The following KDM2A variants were observed in gnomAD, a reference collection of about 807,000 sequenced individuals.
KDM2A encodes lysine-specific demethylase 2A.
Under a neutral mutation model 137.3 loss-of-function variants are expected in KDM2A, and 3 were observed. The observed-to-expected ratio is 0.02, with a 90% confidence interval of 0.01 to 0.06. The LOEUF (loss-of-function observed/expected upper bound fraction) is 0.06. Ranked by LOEUF, KDM2A falls within the 10% of genes least tolerant of loss-of-function variation. KDM2A has a pLI of 1.00. For missense variants in KDM2A, 738 were observed against 1,510.6 expected (o/e 0.49, Z 8.48); for synonymous variants, 512 against 541.5 (o/e 0.95, Z 0.76).
intron 2 of KDM2A, among the ~76,000 whole-genome samples, chr11:67,129,102 G>A (rs1230458626): frequency 6.6e-6 from 1 of 152,144 alleles, no homozygotes; most frequent in Non-Finnish European, 1.5e-5. Context: ...GAATAAATTA[G>A]AATGGAGGAC....
chr11:67,184,582 G>A (rs930046274), intron 5 of KDM2A, among the ~76,000 whole-genome samples: 6 of 151,670 alleles, frequency 4.0e-5, no homozygotes, highest in African/African-American at 1.5e-4. Flanking sequence ...AGCGAAGCTT[G>A]TGCCACTGCA....
At chr11:67,183,391 C>T (rs755241965) in intron 5 of KDM2A, among the ~76,000 whole-genome samples, 11 of 152,210 alleles carry the variant, frequency 7.2e-5, no homozygotes, top group African/African-American at 1.2e-4. Context: ...CCACAGATGA[C>T]CTGCATCAGA....
At chr11:67,161,316 C>T (rs1008346812) in intron 2 of KDM2A, among the ~76,000 whole-genome samples, 9 of 152,212 alleles carry the variant, frequency 5.9e-5, no homozygotes, top group Admixed American at 2.0e-4. Flanking sequence ...ATTGTATCCA[C>T]GTGAAACCTT....
At chr11:67,135,378 A>G (rs1281096207) in intron 2 of KDM2A, among the ~76,000 whole-genome samples, 1 of 152,114 alleles carries the variant, frequency 6.6e-6, no homozygotes, top group Non-Finnish European at 1.5e-5. Context: ...TTTCCTTTTG[A>G]TACTCTCTTT....
rs775548814 is a variant in KDM2A, at chr11:67,253,597, C to G, written c.3077C>G (p.Pro1026Arg). ...CAAATTCGGGACTTGCTTACTCCAC[C>G]GGCTGATAAACCAGGTATGCTCTGG... ...DPQIRDLLTP[P>R]ADKPGQDNRS... is the part of the protein sequence containing the mutation. The change falls in exon 19 of 21, where the codon CCG (proline) becomes CGG (arginine). Residue 1026 changes from proline to arginine, a missense_variant. Transcript: ENST00000529006. The G allele has an allele frequency of 6.2e-7, 1 of 1,613,904 alleles. No individual in the cohort carries two copies. The highest frequency in any genetic ancestry group is 8.5e-7 in the Non-Finnish European group (1 of 1,179,836).
chr11:67,122,888 G>T (rs1443164896), intron 2 of KDM2A, among the ~76,000 whole-genome samples: 1 of 151,192 alleles, frequency 6.6e-6, no homozygotes, highest in Non-Finnish European at 1.5e-5. Flanking sequence ...TGTTAGCCAG[G>T]ATGGTCTCGA....
chr11:67,239,521 G>A (rs1205862280), intron 12 of KDM2A, among the ~76,000 whole-genome samples: 1 of 152,168 alleles, frequency 6.6e-6, no homozygotes, highest in Non-Finnish European at 1.5e-5. Flanking sequence ...AAGTCAGCGA[G>A]GGCAGGTGAA....
Position 67,255,520 on chromosome 11 carries a change from C to G in KDM2A, c.*465C>G. 1 of 457,156 alleles carries G rather than the reference C, an allele frequency of 2.2e-6. No individual in the cohort carries two copies. Among genetic ancestry groups the G allele is most frequent in the Non-Finnish European group, 4.4e-6 (1 of 227,252 alleles). 28.3% of individuals were successfully genotyped at this position (457,156 alleles called of 1,614,324 possible). On this transcript the variant is annotated 3_prime_UTR_variant, in exon 21 of 21. Transcript: ENST00000529006. The stretch of plus-strand genomic sequence containing the variant: ...CAGTGCGCGTCTCTCCTCCATCACA[C>G]TCTCCCGGCTTGCGCAGGAGGGGCC...
chr11:67,209,445 T>C (rs1469508650), intron 6 of KDM2A, among the ~76,000 whole-genome samples: 1 of 150,632 alleles, frequency 6.6e-6, no homozygotes, highest in Non-Finnish European at 1.5e-5. Flanking sequence ...ATTATTATTA[T>C]TATTATTATT....
At chr11:67,147,507 ACT>A (rs1326559051) in intron 2 of KDM2A, among the ~76,000 whole-genome samples, 2 of 150,210 alleles carry the variant, frequency 1.3e-5, no homozygotes, top group African/African-American at 4.9e-5. Context: ...GCGCCACTGC[ACT>A]CCAGCCTGGG....
chr11:67,210,313 A>G (rs1295719618), intron 6 of KDM2A, among the ~76,000 whole-genome samples: 2 of 152,134 alleles, frequency 1.3e-5, no homozygotes, highest in Non-Finnish European at 2.9e-5. Flanking sequence ...TCTGGGCAAC[A>G]TAATAAGACC....
At chr11:67,211,011 G>A (rs1857960903) in intron 6 of KDM2A, among the ~76,000 whole-genome samples, 6 of 151,948 alleles carry the variant, frequency 3.9e-5, no homozygotes, top group Admixed American at 3.9e-4. Context: ...GAGCTGAGAT[G>A]GTGCCACTAC....
chr11:67,255,590 G>A lies in KDM2A; in HGVS notation c.*535G>A, dbSNP rs1312879910. On this transcript the variant is annotated 3_prime_UTR_variant, in exon 21 of 21. Coordinates refer to ENST00000529006, the MANE Select transcript of KDM2A (RefSeq NM_012308.3). Reference sequence around the variant, plus strand: ...GACCCGTGCCGATCACACTGGTGCTGTTGAGATCTCCCAAACCTCACGTCC... The same window carrying A: ...GACCCGTGCCGATCACACTGGTGCTATTGAGATCTCCCAAACCTCACGTCC... 6.6e-6 allele frequency: 3 copies of A among 456,566 alleles called. No homozygotes were observed. The highest frequency in any genetic ancestry group is 3.2e-4 in the Middle Eastern group (1 of 3,098). The allele number at this position is 456,566 out of a possible 1,614,324, so 28.3% of individuals were successfully genotyped here.
chr11:67,206,938 T>C (rs954882930), intron 5 of KDM2A, among the ~76,000 whole-genome samples: 25 of 152,356 alleles, frequency 1.6e-4, no homozygotes, highest in Middle Eastern at 3.4e-3. Flanking sequence ...AAAGGGGACT[T>C]TGTTCTTCAT....
intron 2 of KDM2A, among the ~76,000 whole-genome samples, chr11:67,140,107 T>A (rs2136292696): frequency 6.6e-6 from 1 of 152,192 alleles, no homozygotes; most frequent in African/African-American, 2.4e-5. Context: ...ACACCTATAA[T>A]CCCAACACTT....
At chr11:67,136,055 T>C (rs973227152) in intron 2 of KDM2A, among the ~76,000 whole-genome samples, 1 of 152,160 alleles carries the variant, frequency 6.6e-6, no homozygotes, top group Non-Finnish European at 1.5e-5. Flanking sequence ...GAAACCATTT[T>C]TGGGGGATAA....
intron 5 of KDM2A, among the ~76,000 whole-genome samples, chr11:67,187,548 T>TTTTATTTATTTATTTA (rs138753050): frequency 4.9e-4 from 72 of 147,554 alleles, no homozygotes; most frequent in African/African-American, 1.6e-3. Context: ...ATTTAATTGA[T>TTTTATTTATTTATTTA]TTTATTTATT....
chr11:67,209,085 A>T (rs1203503267), intron 6 of KDM2A, among the ~76,000 whole-genome samples: 1 of 151,732 alleles, frequency 6.6e-6, no homozygotes, highest in Non-Finnish European at 1.5e-5. Flanking sequence ...ACAGGCCACC[A>T]TGCACTGCTA....
Position 67,254,400 on chromosome 11 carries a change from A to T in KDM2A, c.3289A>T (p.Thr1097Ser), listed in dbSNP as rs777346297. 5 of 1,613,752 alleles carry T rather than the reference A, an allele frequency of 3.1e-6. No homozygotes were observed. Among genetic ancestry groups the T allele is most frequent in the Admixed American group, 3.3e-5 (2 of 59,998 alleles). Residue 1097 changes from threonine (T) to serine (S), a missense_variant, in exon 20 of 21, where the codon ACA becomes TCA. Thr to Ser is a moderately conservative substitution (Grantham distance 58). Around this residue, in one of 9 missense-constraint regions of KDM2A, gnomAD observed 166 missense variants for 324.0 expected, o/e 0.51. Transcript: ENST00000529006. This position sits in a 1 kb window ranked among gnomAD's most constrained non-coding sequence, Gnocchi z 4.7. ...CGGGTCTTCCACTCGCTACTCTCTC[A>T]CAGAGCTCAATATGGCAGGTATGCC... ...AVGSSTRYSLTELNMAGCNKL... is the reference protein window; with the variant it reads ...AVGSSTRYSLSELNMAGCNKL...
Sources: gnomAD v4.1 joint callset for allele counts (sites outside exome capture counted in the v4.1 genomes callset) on GRCh38, gnomAD v4.1.1 for gene constraint, gnomAD v4.1.1 regional missense constraint, Gnocchi (gnomAD v3.1) non-coding constraint, MANE v1.5 for transcripts, NCBI Gene and HGNC (gene_info 2026-07-23, HGNC 2026-07-21) for gene names.